Variants in TMEM232 observed in about 807,000 individuals in gnomAD.
TMEM232 encodes transmembrane protein 232.
In TMEM232, 80 loss-of-function variants were observed where a neutral mutation model predicts 78.8. The observed-to-expected ratio is 1.01, with a 90% CI of 0.85 to 1.22. The LOEUF (loss-of-function observed/expected upper bound fraction) is 1.22. Ranked by LOEUF, TMEM232 falls within the 50% of genes most tolerant of loss-of-function variation. The pLI is 0.00. For missense variants in TMEM232, 881 were observed against 742.2 expected (o/e 1.19, Z -2.17); for synonymous variants, 297 against 254.3 (o/e 1.17, Z -1.60).
intron 5 of TMEM232, among the ~76,000 whole-genome samples, chr5:110,630,801 T>C (rs1785027185): frequency 6.6e-6 from 1 of 152,094 alleles, no homozygotes; most frequent in Non-Finnish European, 1.5e-5. Context: ...CATAGGGGCT[T>C]GCTATTGGGG....
chr5:110,589,391 T>G (rs920839417), intron 10 of TMEM232, among the ~76,000 whole-genome samples: 2 of 152,124 alleles, frequency 1.3e-5, no homozygotes, highest in Non-Finnish European at 2.9e-5. Context: ...TGATATAGGG[T>G]CTGTGGCAAA....
chr5:110,640,561 A>G (rs879465202), intron 4 of TMEM232, among the ~76,000 whole-genome samples: 5 of 152,136 alleles, frequency 3.3e-5, no homozygotes, highest in Non-Finnish European at 7.4e-5. Context: ...TAAAATGAAG[A>G]AGCAAATTTC....
At chr5:110,502,289 C>T (rs1437535076) in intron 12 of TMEM232, among the ~76,000 whole-genome samples, 1 of 152,092 alleles carries the variant, frequency 6.6e-6, no homozygotes, top group Non-Finnish European at 1.5e-5. Context: ...GTTCCAGGGA[C>T]TGAAACCAGG....
chr5:110,459,380 T>A (rs13153189), intron 12 of TMEM232, among the ~76,000 whole-genome samples: 2 of 152,186 alleles, frequency 1.3e-5, no homozygotes, highest in East Asian at 3.8e-4. Flanking sequence ...CCGAGTTTGA[T>A]CTTAAAAATA....
chr5:110,556,341 C>CTCCCTTCCCTTCCCT lies in TMEM232; in HGVS notation c.1455+12091_1455+12105dup, dbSNP rs528923293. ...CTTCTTTCCTTCCTCCCTTTCCTTCCTCCCTTCCCTTCCCTTCCCCTTCCT... is the reference window on the plus strand; with the variant it reads ...CTTCTTTCCTTCCTCCCTTTCCTTCCTCCCTTCCCTTCCCTTCCCTTCCCTTCCCTTCCCCTTCCT... On this transcript the variant is annotated intron_variant, in intron 11 of 13. Coordinates refer to ENST00000455884, the MANE Select transcript of TMEM232 (RefSeq NM_001039763.4). Among the ~76,000 whole-genome samples, 10 of 144,708 alleles carry CTCCCTTCCCTTCCCT rather than the reference C, an allele frequency of 6.9e-5. No homozygotes were observed. The East Asian group carries it at 1.1e-3, about 15-fold the overall frequency. The allele number at this position is 144,708 out of a possible 152,430, so 94.9% of individuals were successfully genotyped here. A position where few individuals can be genotyped will look rare whatever the true frequency, so the allele number is the denominator to read the frequency against.
intron 1 of TMEM232, among the ~76,000 whole-genome samples, chr5:110,675,144 C>T (rs1396044581): frequency 1.3e-5 from 2 of 152,092 alleles, no homozygotes; most frequent in Admixed American, 1.3e-4. Flanking sequence ...CTCACAGGGT[C>T]AAGCGATTCT....
chr5:110,532,534 T>G (rs983905025), intron 11 of TMEM232, among the ~76,000 whole-genome samples: 1 of 151,986 alleles, frequency 6.6e-6, no homozygotes, highest in Non-Finnish European at 1.5e-5. Context: ...CCAACTCTGG[T>G]GCCAACTTAC....
At chr5:110,406,279 CA>C (rs1755789059) in intron 2 of TMEM232, among the ~76,000 whole-genome samples, 1 of 150,476 alleles carries the variant, frequency 6.6e-6, no homozygotes, top group South Asian at 2.1e-4. Context: ...CACACACACA[CA>C]CACACACACA....
At chr5:110,472,492 T>C (rs1455580339) in intron 12 of TMEM232, among the ~76,000 whole-genome samples, 1 of 151,782 alleles carries the variant, frequency 6.6e-6, no homozygotes. Flanking sequence ...GCAGAGTGAG[T>C]CAATGCAATA....
intron 12 of TMEM232, among the ~76,000 whole-genome samples, chr5:110,465,663 CTAAA>C (rs1234463869): frequency 1.2e-4 from 18 of 152,030 alleles, no homozygotes; most frequent in Admixed American, 1.2e-3. Flanking sequence ...GAAATTTGAA[CTAAA>C]TAAATGTGTC....
chr5:110,726,679 G>C (rs545211760), upstream of TMEM232: 8 of 152,336 alleles, frequency 5.3e-5, no homozygotes, highest in South Asian at 1.7e-3. Context: ...GACGCTGTGG[G>C]AGTCGCTCTG....
intron 10 of TMEM232, among the ~76,000 whole-genome samples, chr5:110,591,474 A>G (rs1483847180): frequency 6.6e-6 from 1 of 152,212 alleles, no homozygotes; most frequent in Non-Finnish European, 1.5e-5. Context: ...TAAGCATTAC[A>G]AAAAGAAATA....
intron 12 of TMEM232, among the ~76,000 whole-genome samples, chr5:110,525,624 T>G (rs1396371641): frequency 6.6e-6 from 1 of 151,874 alleles, no homozygotes; most frequent in Non-Finnish European, 1.5e-5. Context: ...TTTCTAAAGT[T>G]AATTTTTTTA....
At chr5:110,502,894 G>A (rs1161792488) in intron 12 of TMEM232, among the ~76,000 whole-genome samples, 1 of 152,160 alleles carries the variant, frequency 6.6e-6, no homozygotes, top group East Asian at 1.9e-4. Context: ...GCTATCTGAA[G>A]TAGAATTCTT....
Position 110,568,566 on chromosome 5 carries a change from A to T in TMEM232, c.1336T>A (p.Trp446Arg). Residue 446 changes from tryptophan (W) to arginine (R), a missense_variant, in exon 11 of 14, where the codon TGG (tryptophan) becomes AGG (arginine). Trp to Arg is a moderately radical substitution (Grantham distance 101). Coordinates refer to ENST00000455884, the MANE Select transcript of TMEM232 (RefSeq NM_001039763.4). Reference sequence around the variant, plus strand: ...TGTTCTTCGTCTCCTTGAAGTTCCCATGAAATTTTCACCAGGTTATACACT... The same window carrying T: ...TGTTCTTCGTCTCCTTGAAGTTCCCTTGAAATTTTCACCAGGTTATACACT... ...GLVYNLVKIS[W>R]ELQGDEEQDG... The T allele has an allele frequency of 6.5e-7, 1 of 1,549,668 alleles. No individual in the cohort carries two copies. The highest frequency in any genetic ancestry group is 1.7e-4 in the Middle Eastern group (1 of 5,968).
chr5:110,395,525 CT>C (rs1374203681), intron 3 of TMEM232, among the ~76,000 whole-genome samples: 4 of 152,228 alleles, frequency 2.6e-5, no homozygotes, highest in Non-Finnish European at 1.5e-5. Flanking sequence ...CCTGACTTTC[CT>C]TAGATTTCAT....
chr5:110,433,133 T>C (rs1391334178), intron 12 of TMEM232, among the ~76,000 whole-genome samples: 1 of 151,752 alleles, frequency 6.6e-6, no homozygotes, highest in African/African-American at 2.4e-5. Context: ...CAATTGGACC[T>C]AATAGACAAC....
intron 1 of TMEM232, among the ~76,000 whole-genome samples, chr5:110,695,211 A>T (rs62375468): frequency 0.063 from 9,553 of 152,316 alleles, 408 homozygotes; most frequent in Non-Finnish European, 0.093. Flanking sequence ...TACTGGGTAC[A>T]TAAAGAAATG....
At chr5:110,554,681 G>A (rs1230659388) in intron 11 of TMEM232, among the ~76,000 whole-genome samples, 5 of 152,034 alleles carry the variant, frequency 3.3e-5, no homozygotes, top group Non-Finnish European at 4.4e-5. Flanking sequence ...ATGGAATGAG[G>A]TAAAGAGGAG....
Sources: gnomAD v4.1 joint callset for allele counts (sites outside exome capture counted in the v4.1 genomes callset) on GRCh38, gnomAD v4.1.1 for gene constraint, MANE v1.5 for transcripts, NCBI Gene and HGNC (gene_info 2026-07-23, HGNC 2026-07-21) for gene names.